Variants in ADARB2 observed in about 807,000 individuals in gnomAD.
ADARB2 encodes adenosine deaminase RNA specific B2 (inactive), also known as inactive double-stranded RNA-specific editase B2.
ADARB2 carries 25 observed loss-of-function variants against 62.2 expected under a neutral mutation model. That is an observed-to-expected ratio of 0.40 (90% CI 0.29 to 0.56). The LOEUF (loss-of-function observed/expected upper bound fraction) is 0.56. Ranked by LOEUF, ADARB2 falls within the 20% of genes least tolerant of loss-of-function variation. The probability of loss-of-function intolerance (pLI) is 0.43; values close to 1 mark genes in which losing one functional copy is unlikely to be tolerated. For missense variants in ADARB2, 1,071 were observed against 1,077.4 expected (o/e 0.99, Z 0.08); for synonymous variants, 572 against 500.8 (o/e 1.14, Z -1.90).
At chr10:1,279,292 C>T (rs1831349753) in intron 3 of ADARB2, among the ~76,000 whole-genome samples, 1 of 151,302 alleles carries the variant, frequency 6.6e-6, no homozygotes, top group Non-Finnish European at 1.5e-5. Context: ...CAGGACCAGA[C>T]TCCATGGCAT....
intron 1 of ADARB2, among the ~76,000 whole-genome samples, chr10:1,623,699 T>G (rs1351405416): frequency 6.6e-6 from 1 of 152,206 alleles, no homozygotes; most frequent in East Asian, 1.9e-4. Context: ...TTGAAGACAT[T>G]GGAGACCTCC....
chr10:1,277,945 C>G (rs1564244517), intron 3 of ADARB2, among the ~76,000 whole-genome samples: 1 of 151,332 alleles, frequency 6.6e-6, no homozygotes, highest in African/African-American at 2.4e-5. Flanking sequence ...TCCTTCCTTC[C>G]TTCCTTCCCC....
intron 1 of ADARB2, among the ~76,000 whole-genome samples, chr10:1,422,169 G>A (rs111440427): frequency 0.016 from 2,473 of 152,320 alleles, 52 homozygotes; most frequent in African/African-American, 0.047. Flanking sequence ...GGAATAGAAC[G>A]GGGACGTCAA....
intron 1 of ADARB2, among the ~76,000 whole-genome samples, chr10:1,529,082 G>C (rs11250586): frequency 0.081 from 6,841 of 84,318 alleles, 1,332 homozygotes; most frequent in East Asian, 0.39. Flanking sequence ...CACCCACCAT[G>C]CCCAACACCA....
intron 1 of ADARB2, among the ~76,000 whole-genome samples, chr10:1,636,097 C>G (rs772596043): frequency 1.8e-4 from 28 of 152,202 alleles, no homozygotes; most frequent in African/African-American, 6.7e-4. Flanking sequence ...GACTTTATAC[C>G]GGGAACTGGT....
intron 1 of ADARB2, among the ~76,000 whole-genome samples, chr10:1,510,906 T>C (rs887159997): frequency 7.9e-5 from 12 of 152,166 alleles, no homozygotes; most frequent in Non-Finnish European, 1.5e-4. Flanking sequence ...CAGGCTGGAG[T>C]GCACTGGAAT....
intron 3 of ADARB2, among the ~76,000 whole-genome samples, chr10:1,305,388 T>G (rs1258649633): frequency 6.6e-6 from 1 of 151,898 alleles, no homozygotes; most frequent in East Asian, 1.9e-4. Context: ...AGTAACAGGA[T>G]CTGAAATTGG....
intron 1 of ADARB2, among the ~76,000 whole-genome samples, chr10:1,661,204 A>G (rs1341233644): frequency 6.6e-6 from 1 of 152,082 alleles, no homozygotes; most frequent in East Asian, 1.9e-4. Flanking sequence ...GCCACTTTTC[A>G]TGTTTCCTTT....
intron 1 of ADARB2, among the ~76,000 whole-genome samples, chr10:1,536,610 A>G (rs1832336382): frequency 6.6e-6 from 1 of 152,196 alleles, no homozygotes; most frequent in African/African-American, 2.4e-5. Flanking sequence ...AATCTAGCTT[A>G]TATGTTTATT....
At chr10:1,675,609 G>C (rs1480916575) in intron 1 of ADARB2, among the ~76,000 whole-genome samples, 1 of 147,800 alleles carries the variant, frequency 6.8e-6, no homozygotes, top group African/African-American at 2.5e-5. Context: ...GCTTGGGTTG[G>C]GGGGTACATG....
chr10:1,183,335 G>C lies in ADARB2; in HGVS notation c.2078C>G (p.Pro693Arg). 1 of 1,614,024 alleles carries C rather than the reference G, an allele frequency of 6.2e-7. No homozygotes were observed. The highest frequency in any genetic ancestry group is 1.1e-5 in the South Asian group (1 of 91,082). Reference protein sequence around the residue: ...STRTPSPGDTPSMYCEAKLGA... With the variant: ...STRTPSPGDTRSMYCEAKLGA... ...CAGCTTGGCCTCACAGTACATGGAG[G>C]GCGTGTCTCCAGGGCTGGGTGTCCG... Residue 693 changes from proline (P) to arginine (R), a missense_variant, in exon 10 of 10, where the codon CCC becomes CGC. By Grantham distance (103) the Pro-to-Arg change is moderately radical. Coordinates refer to ENST00000381312, the MANE Select transcript of ADARB2 (RefSeq NM_018702.4).
intron 4 of ADARB2, among the ~76,000 whole-genome samples, chr10:1,264,854 T>C (rs1201086743): frequency 6.6e-6 from 1 of 152,226 alleles, no homozygotes; most frequent in Admixed American, 6.5e-5. Context: ...CCAAGAAAAT[T>C]GTGGAGCGAT....
intron 1 of ADARB2, among the ~76,000 whole-genome samples, chr10:1,581,736 A>C (rs1833102439): frequency 6.6e-6 from 1 of 152,104 alleles, no homozygotes; most frequent in Non-Finnish European, 1.5e-5. Flanking sequence ...ATGAGAGAAC[A>C]CACTCAGAGT....
At chr10:1,670,344 G>A (rs17155569) in intron 1 of ADARB2, among the ~76,000 whole-genome samples, 2,292 of 152,210 alleles carry the variant, frequency 0.015, 30 homozygotes, top group African/African-American at 0.04. Flanking sequence ...GTTTGAACAG[G>A]GGTCCTTAGA....
chr10:1,705,928 C>T (rs1834884689), intron 1 of ADARB2, among the ~76,000 whole-genome samples: 1 of 152,166 alleles, frequency 6.6e-6, no homozygotes, highest in African/African-American at 2.4e-5. Flanking sequence ...AGTGACAAAA[C>T]ACTTCACGGT....
At chr10:1,666,789 G>A (rs1363998781) in intron 1 of ADARB2, among the ~76,000 whole-genome samples, 3 of 152,178 alleles carry the variant, frequency 2.0e-5, no homozygotes, top group Non-Finnish European at 4.4e-5. Context: ...AAGACTCTGA[G>A]ACTCGAGATG....
intron 3 of ADARB2, among the ~76,000 whole-genome samples, chr10:1,332,880 G>A (rs1831942400): frequency 6.6e-6 from 1 of 152,266 alleles, no homozygotes; most frequent in African/African-American, 2.4e-5. Context: ...TGGAAGCAGA[G>A]TTACCGTTTT....
chr10:1,626,602 C>G (rs1439306752), intron 1 of ADARB2, among the ~76,000 whole-genome samples: 1 of 152,136 alleles, frequency 6.6e-6, no homozygotes, highest in Admixed American at 6.5e-5. Flanking sequence ...ACTGGCTCCT[C>G]TCAAACTCCC....
chr10:1,486,963 C>T (rs1389605617), intron 1 of ADARB2, among the ~76,000 whole-genome samples: 1 of 152,240 alleles, frequency 6.6e-6, no homozygotes, highest in Admixed American at 6.5e-5. Context: ...TTCTAAGTCT[C>T]CCACTCAGAC....
Sources: allele counts gnomAD v4.1 joint callset (sites outside exome capture counted in the v4.1 genomes callset), GRCh38; gene constraint gnomAD v4.1.1; transcripts MANE v1.5; gene names NCBI Gene and HGNC (gene_info 2026-07-23, HGNC 2026-07-21).